Variants in MME observed in about 807,000 individuals in gnomAD.
MME encodes the protein neprilysin.
A neutral mutation model predicts 113.2 loss-of-function variants in MME; 98 were observed. The ratio of observed to expected loss-of-function variants is 0.87; its 90% confidence interval spans 0.74 to 1.02. The LOEUF is 1.02. MME is among the 50% of genes least tolerant of loss of function. The pLI is 0.00. For missense variants in MME, 836 were observed against 896.0 expected, an observed-to-expected ratio of 0.93 and a Z score of 0.86; for synonymous variants, 292 against 300.6, an observed-to-expected ratio of 0.97 and a Z score of 0.30.
chr3:155,038,056 CCA>C (rs1297335703), intron 1 of MME, among the ~76,000 whole-genome samples: 1 of 152,104 alleles, frequency 6.6e-6, no homozygotes. Flanking sequence ...AGACAGAAAA[CCA>C]CACACTTTGA....
At chr3:155,024,994 G>T (rs1190632557) in intron 1 of MME, among the ~76,000 whole-genome samples, 1 of 152,162 alleles carries the variant, frequency 6.6e-6, no homozygotes, top group African/African-American at 2.4e-5. Context: ...TCAACTTGGA[G>T]AAAATAGACC....
intron 1 of MME, among the ~76,000 whole-genome samples, chr3:155,028,521 C>T (rs74767101): frequency 0.03 from 4,630 of 152,232 alleles, 104 homozygotes; most frequent in Non-Finnish European, 0.048. Context: ...TTCCACATTT[C>T]TACGTTTATG....
At position 155,109,155 on chromosome 3, in the gene MME, A is replaced by G. The variant is rs1257319593; in HGVS notation, c.197-5839A>G. Reference sequence around the variant, plus strand: ...TGAATATAGTATAGTTTTTGCTATTATAATCACTCCAAAACCAGGCCTGTT... The same window carrying G: ...TGAATATAGTATAGTTTTTGCTATTGTAATCACTCCAAAACCAGGCCTGTT... On this transcript the variant is annotated intron_variant, in intron 3 of 22. Transcript: ENST00000360490. Among the ~76,000 whole-genome samples, 5 of 152,186 alleles carry G rather than the reference A, an allele frequency of 3.3e-5. No individual in the cohort carries two copies. The East Asian group carries it at 7.7e-4, about 23-fold the overall frequency.
intron 3 of MME, chr3:155,112,613 A>T (rs554948274): frequency 3.3e-5 from 5 of 152,358 alleles, no homozygotes; most frequent in African/African-American, 1.2e-4. Context: ...CAGAATGGAC[A>T]TAGGTAAGAA....
chr3:155,177,752 C>T (rs1712687636), intron 22 of MME, among the ~76,000 whole-genome samples: 1 of 152,134 alleles, frequency 6.6e-6, no homozygotes, highest in Non-Finnish European at 1.5e-5. Flanking sequence ...TTAAGCCAAA[C>T]TCTGAGCTCT....
chr3:155,073,053 T>A lies in MME; in HGVS notation c.-10-11105T>A, dbSNP rs560216971. Among the ~76,000 whole-genome samples the A allele has an allele frequency of 7.2e-5, 11 of 152,314 alleles. No homozygotes were observed. In the South Asian group the frequency reaches 2.3e-3, roughly 32 times the overall value. ...CCTACAAATTACTAAACTAATCCAT[T>A]TTTATCACTACCGGTTTCCAACAAG... On this transcript the variant is annotated intron_variant, in intron 1 of 22. Coordinates refer to the MME transcript ENST00000492661.
intron 1 of MME, among the ~76,000 whole-genome samples, chr3:155,061,134 C>G (rs2108135568): frequency 6.6e-6 from 1 of 152,220 alleles, no homozygotes; most frequent in African/African-American, 2.4e-5. Context: ...AAAATTGTAT[C>G]AAGTTAAAAG....
chr3:155,063,514 AAT>A (rs1357602385), intron 1 of MME, among the ~76,000 whole-genome samples: 14 of 111,498 alleles, frequency 1.3e-4, no homozygotes, highest in African/African-American at 3.9e-4. Context: ...TATATATTTA[AAT>A]ATATATATTA....
chr3:155,125,424 G>A lies in MME; in HGVS notation c.720+6613G>A, dbSNP rs187449206. ...CTGTAGACTGGAGCTGTTCCTATTC[G>A]GCCAACTTGGCTCCTCCTCCTTTTT... On this transcript the variant is annotated intron_variant, in intron 8 of 22. Coordinates refer to ENST00000360490, the MANE Select transcript of MME (RefSeq NM_007289.4). 2.3e-3 allele frequency among the ~76,000 whole-genome samples: 330 copies of A among 143,850 alleles called. 1 individual carries two copies. The highest frequency in any genetic ancestry group is 3.8e-3 in the Non-Finnish European group (252 of 65,976). The allele number at this position is 143,850 out of a possible 152,430, so 94.4% of individuals were successfully genotyped here.
At chr3:155,094,956 T>G (rs1416415718) in intron 3 of MME, among the ~76,000 whole-genome samples, 1 of 152,212 alleles carries the variant, frequency 6.6e-6, no homozygotes. Context: ...TGTGCAAAAA[T>G]GCAGTCTCGG....
intron 14 of MME, 130 bp from the exon 15 acceptor site, chr3:155,147,014 T>G (rs1721567332): frequency 5.9e-6 from 4 of 672,922 alleles, no homozygotes; most frequent in African/African-American, 1.8e-5. Flanking sequence ...GATCTCTGTT[T>G]AAGTATGTCA....
At chr3:155,146,937 T>C (rs866706197) in intron 14 of MME, among the ~76,000 whole-genome samples, 1 of 152,194 alleles carries the variant, frequency 6.6e-6, no homozygotes, top group African/African-American at 2.4e-5. Context: ...GGATAAGGCA[T>C]TAGAAACTCA....
At chr3:155,094,537 T>G (rs1224656215) in intron 3 of MME, among the ~76,000 whole-genome samples, 1 of 152,206 alleles carries the variant, frequency 6.6e-6, no homozygotes, top group Non-Finnish European at 1.5e-5. Context: ...GAACAGTGTA[T>G]TTTTAAAGAG....
intron 1 of MME, among the ~76,000 whole-genome samples, chr3:155,046,933 A>C (rs944769613): frequency 6.6e-6 from 1 of 152,200 alleles, no homozygotes; most frequent in African/African-American, 2.4e-5. Flanking sequence ...ATTACAAAAG[A>C]GTCAGATAAT....
chr3:155,116,196 TA>T lies in MME; in HGVS notation c.359-269del, dbSNP rs11296151. Among the ~76,000 whole-genome samples the T allele has an allele frequency of 0.76, 110,860 of 145,244 alleles. 42,089 individuals are homozygous for T. The highest frequency in any genetic ancestry group is 0.87 in the South Asian group (3,983 of 4,570). ...GCAGAGCCGTATGCATCACTGTTCATAAAAAAAAAAAAAAGATAATCTAGTC... is the reference window on the plus strand; with the variant it reads ...GCAGAGCCGTATGCATCACTGTTCATAAAAAAAAAAAAAGATAATCTAGTC... On this transcript the variant is annotated intron_variant, in intron 4 of 22. Coordinates refer to ENST00000360490, the MANE Select transcript of MME (RefSeq NM_007289.4).
intron 2 of MME, among the ~76,000 whole-genome samples, 193 bp downstream of exon 2, chr3:155,084,520 G>A (rs1559906711): frequency 6.6e-6 from 1 of 152,174 alleles, no homozygotes. Flanking sequence ...TTATGTTTGA[G>A]CTAAGTTATT....
chr3:155,169,055 TGAG>T (rs887520676), intron 20 of MME, among the ~76,000 whole-genome samples: 5 of 151,984 alleles, frequency 3.3e-5, no homozygotes, highest in African/African-American at 9.7e-5. Flanking sequence ...TCAGCTGAAA[TGAG>T]GAGAGAGCAG....
chr3:155,084,442 C>A, intron 2 of MME, 115 bp downstream of exon 2: 2 of 990,440 alleles, frequency 2.0e-6, no homozygotes, highest in Non-Finnish European at 3.1e-6. Flanking sequence ...TAAAGACTGA[C>A]AAAGAGATTC....
chr3:155,149,661 T>A (rs1280057059), intron 16 of MME, among the ~76,000 whole-genome samples: 2 of 151,124 alleles, frequency 1.3e-5, no homozygotes, highest in East Asian at 3.9e-4. Context: ...AAGAGGGAAA[T>A]GTCGTGCCAA....
Sources: gnomAD v4.1 joint callset for allele counts (sites outside exome capture counted in the v4.1 genomes callset) on GRCh38, gnomAD v4.1.1 for gene constraint, MANE v1.5 for transcripts, NCBI Gene and HGNC (gene_info 2026-07-23, HGNC 2026-07-21) for gene names.